The following PAK4 variants were observed in gnomAD, a reference collection of about 807,000 sequenced individuals.
The protein encoded by PAK4 is p21 (RAC1) activated kinase 4, also known as serine/threonine-protein kinase PAK 4.
A neutral mutation model predicts 53.5 loss-of-function variants in PAK4; 49 were observed. The ratio of observed to expected loss-of-function variants is 0.92; its 90% confidence interval spans 0.73 to 1.16. PAK4 has a LOEUF of 1.16. Among genes scored for constraint, PAK4 ranks in the 50% most tolerant of loss-of-function variants. The probability of loss-of-function intolerance (pLI) is 0.00; values close to 1 mark genes in which losing one functional copy is unlikely to be tolerated. For missense variants in PAK4, 824 were observed against 850.7 expected (o/e 0.97, Z 0.39); for synonymous variants, 376 against 375.6 (o/e 1.00, Z -0.01).
chr19:39,132,079 C>T (rs528562078), intron 1 of PAK4, among the ~76,000 whole-genome samples: 19 of 152,310 alleles, frequency 1.2e-4, no homozygotes, highest in East Asian at 3.9e-4. Context: ...CCCAGCCCCC[C>T]GCCCGGGGTC....
chr19:39,176,336 C>T (rs1043263190), intron 6 of PAK4, among the ~76,000 whole-genome samples: 2 of 152,192 alleles, frequency 1.3e-5, no homozygotes, highest in African/African-American at 2.4e-5. Context: ...GCCAGTGTCC[C>T]CAAAAGCCCC....
chr19:39,128,715 AC>A (rs543267170), intron 1 of PAK4, among the ~76,000 whole-genome samples: 87 of 150,170 alleles, frequency 5.8e-4, no homozygotes, highest in African/African-American at 2.0e-3. Context: ...TCTCCTCCTC[AC>A]CCCCCCTCCT....
chr19:39,132,778 C>T (rs2073738199), intron 1 of PAK4, among the ~76,000 whole-genome samples: 1 of 152,224 alleles, frequency 6.6e-6, no homozygotes, highest in Admixed American at 6.5e-5. Context: ...CCCCCAGTGT[C>T]TGATGACACC....
chr19:39,173,828 G>A lies in PAK4; in HGVS notation c.916G>A (p.Ala306Thr), dbSNP rs761023026. The A allele has an allele frequency of 3.1e-6, 5 of 1,612,408 alleles. No individual in the cohort carries two copies. The South Asian group carries it at 5.5e-5, about 18-fold the overall frequency. Residue 306 changes from alanine to threonine, a missense_variant, in exon 4 of 9, where the codon GCT becomes ACT. Coordinates refer to ENST00000358301, the Ensembl canonical transcript of PAK4. This position sits in a 1 kb window ranked among gnomAD's most constrained non-coding sequence, Gnocchi z 6.9. ...GCGAGTATCCCATGAGCAGTTCCGG[G>A]CTGCCCTGCAGCTGGTGGTGGACCC...
chr19:39,159,279 T>C (rs992074903), intron 1 of PAK4, among the ~76,000 whole-genome samples: 14 of 152,340 alleles, frequency 9.2e-5, no homozygotes, highest in Non-Finnish European at 1.9e-4. Flanking sequence ...AGACAGGCCC[T>C]GTCCTCGTGG....
At chr19:39,142,774 C>G (rs1011969934) in intron 1 of PAK4, among the ~76,000 whole-genome samples, 1 of 152,242 alleles carries the variant, frequency 6.6e-6, no homozygotes, top group African/African-American at 2.4e-5. Context: ...CCTTGGCTGC[C>G]TGTGTCACCC....
In PAK4 at chr19:39,130,278, G is replaced by A. The variant is rs1426921541; in HGVS notation, c.-23+4359G>A. The stretch of plus-strand genomic sequence containing the variant: ...GGTCAGAGAAGGATGGGGAAACCCA[G>A]GCAGAGGGGTCAGGGCGGGATGGGG... On this transcript the variant is annotated intron_variant, in intron 1 of 8. Transcript: ENST00000358301. Among the ~76,000 whole-genome samples the A allele has an allele frequency of 3.3e-5, 5 of 151,214 alleles. No individual in the cohort carries two copies. The East Asian group carries it at 7.8e-4, about 24-fold the overall frequency.
At chr19:39,129,682 C>T (rs1029314476) in intron 1 of PAK4, among the ~76,000 whole-genome samples, 1 of 137,178 alleles carries the variant, frequency 7.3e-6, no homozygotes, top group African/African-American at 2.7e-5. Flanking sequence ...ACACAACTGG[C>T]TTAGCTGGGA....
chr19:39,125,795 T>G (rs1025420895), upstream of PAK4: 1 of 153,438 alleles, frequency 6.5e-6, no homozygotes, highest in Non-Finnish European at 1.5e-5. Context: ...CGGATGTTCG[T>G]TGGGGATTCA....
rs2074412890 is a variant in PAK4, at chr19:39,168,306, TG to T, written c.-22-1225del. ...TGTCCCACCAGCATCAGACCAGGTG[TG>T]TGCAGGTGTGTGCGACTCCAGGGCC... is the stretch of plus-strand genomic sequence containing the variant. On this transcript the variant is annotated intron_variant, in intron 1 of 8. Transcript: ENST00000358301. 2 of 147,838 alleles carry T rather than the reference TG, an allele frequency of 1.4e-5. No individual in the cohort carries two copies. The highest frequency in any genetic ancestry group is 1.3e-4 in the Admixed American group (2 of 15,110). 9.2% of individuals were successfully genotyped at this position (147,838 alleles called of 1,614,324 possible). A position where few individuals can be genotyped will look rare whatever the true frequency, so the allele number is the denominator to read the frequency against.
At position 39,173,495 on chromosome 19, in the gene PAK4, A is replaced by G. The variant is rs1410090048; in HGVS notation, c.664-81A>G. 2.9e-6 allele frequency: 4 copies of G among 1,361,342 alleles called. No homozygotes were observed. In the East Asian group the frequency reaches 7.1e-5, roughly 24 times the overall value. The allele number at this position is 1,361,342 out of a possible 1,614,324, so 84.3% of individuals were successfully genotyped here. ...TCCTGACCACCCATGTGTCTGTCCC[A>G]TCGCTGGGTCTCTCTCCTGCTTAGG... On this transcript the variant is annotated intron_variant, in intron 3 of 8. Transcript: ENST00000358301. The surrounding 1 kb of genome is among the most constrained non-coding windows in gnomAD (Gnocchi z 6.9).
At chr19:39,147,071 AATTGTCATTGTCAATT>A (rs2074012200) in intron 1 of PAK4, among the ~76,000 whole-genome samples, 1 of 30,998 alleles carries the variant, frequency 3.2e-5, no homozygotes, top group South Asian at 1.3e-3. Flanking sequence ...GTCAATTGAC[AATTGTCATTGTCAATT>A]GTCAATGACA....
intron 1 of PAK4, among the ~76,000 whole-genome samples, chr19:39,157,082 C>T (rs558995028): frequency 1.3e-5 from 2 of 152,274 alleles, no homozygotes; most frequent in East Asian, 1.9e-4. Context: ...GGAGCACGCT[C>T]CTGGGGTCTG....
At chr19:39,174,777 C>T (rs946283509) in intron 4 of PAK4, among the ~76,000 whole-genome samples, 154 bp from the exon 6 acceptor site, 9 of 152,242 alleles carry the variant, frequency 5.9e-5, no homozygotes, top group African/African-American at 2.2e-4. Context: ...CTGAGGCCCA[C>T]GTGGCTGTGG....
rs2074544908 is a variant in PAK4 at position 39,173,880 on chromosome 19, A to G, written c.968A>G (p.Asn323Ser). 1.9e-6 allele frequency: 3 copies of G among 1,612,682 alleles called. No individual in the cohort carries two copies. Among genetic ancestry groups the G allele is most frequent in the Non-Finnish European group, 2.5e-6 (3 of 1,179,798 alleles). Residue 323 changes from asparagine (N) to serine (S), a missense_variant, in exon 4 of 9, where the codon AAC (asparagine) becomes AGC (serine). This residue lies in a region of PAK4 where 346 missense variants were observed against 415.0 expected (regional missense o/e 0.83). Transcript: ENST00000358301. The surrounding 1 kb of genome is among the most constrained non-coding windows in gnomAD (Gnocchi z 6.9). ...GGCGACCCCCGCTCCTACCTGGACA[A>G]CTTCATCAAGATTGGCGAGGGCTCC...
At chr19:39,141,606 G>A (rs559650360) in intron 1 of PAK4, among the ~76,000 whole-genome samples, 6 of 151,138 alleles carry the variant, frequency 4.0e-5, no homozygotes, top group African/African-American at 1.2e-4. Context: ...GTGAGCCACC[G>A]TACCCTGCCA....
At position 39,177,813 on chromosome 19, in the gene PAK4, G is replaced by T; in HGVS notation, c.1620+4G>T. ...CCGACTGAAGAACCTGCACAAGGTA[G>T]GCCCCTCCCTGGCTGGGAAACTGTG... is the stretch of plus-strand genomic sequence containing the variant. On this transcript the variant is annotated splice_donor_region_variant and intron_variant, in intron 8 of 8. Transcript: ENST00000358301. The T allele has an allele frequency of 6.2e-7, 1 of 1,605,374 alleles. No individual in the cohort carries two copies. Among genetic ancestry groups the T allele is most frequent in the Non-Finnish European group, 8.5e-7 (1 of 1,175,322 alleles).
intron 1 of PAK4, among the ~76,000 whole-genome samples, chr19:39,131,013 C>G (rs1909426608): frequency 6.6e-6 from 1 of 151,960 alleles, no homozygotes; most frequent in Non-Finnish European, 1.5e-5. Context: ...CGCTTTACCC[C>G]TGTTACCTCA....
chr19:39,178,363 G>A lies in PAK4; in HGVS notation c.1621-61G>A. 1 of 1,531,088 alleles carries A rather than the reference G, an allele frequency of 6.5e-7. No individual in the cohort carries two copies. The highest frequency in any genetic ancestry group is 1.2e-5 in the South Asian group (1 of 83,244). The allele number at this position is 1,531,088 out of a possible 1,614,324, so 94.8% of individuals were successfully genotyped here. On this transcript the variant is annotated intron_variant, in intron 8 of 8. Coordinates refer to ENST00000358301, the Ensembl canonical transcript of PAK4. The surrounding 1 kb of genome is among the most constrained non-coding windows in gnomAD (Gnocchi z 4.4). ...CGACTTGGCAGAGGCGGACACTGCAGCCCTACAGCAAATGAACAGTGGGGA... is the reference window on the plus strand; with the variant it reads ...CGACTTGGCAGAGGCGGACACTGCAACCCTACAGCAAATGAACAGTGGGGA...
Sources: allele counts gnomAD v4.1 joint callset (sites outside exome capture counted in the v4.1 genomes callset), GRCh38; gene constraint gnomAD v4.1.1; regional missense constraint gnomAD v4.1.1; non-coding constraint Gnocchi (gnomAD v3.1); transcripts MANE v1.5; gene names NCBI Gene and HGNC (gene_info 2026-07-23, HGNC 2026-07-21).